The following RELN variants were observed in gnomAD, a reference collection of about 807,000 sequenced individuals.
The protein encoded by RELN is reelin.
A neutral mutation model predicts 427.6 loss-of-function variants in RELN; 108 were observed. That is an observed-to-expected ratio of 0.25 (90% CI 0.22 to 0.30). RELN has a LOEUF of 0.30. RELN is among the 10% of genes least tolerant of loss of function. The probability of loss-of-function intolerance (pLI) is 1.00; values close to 1 mark genes in which losing one functional copy is unlikely to be tolerated. For synonymous variants in RELN, 1,524 were observed against 1,513.4 expected, an observed-to-expected ratio of 1.01 and a Z score of -0.16; for missense variants, 3,715 against 4,302.8, an observed-to-expected ratio of 0.86 and a Z score of 3.82.
At chr7:103,544,620 T>C (rs1830249989) in intron 42 of RELN, among the ~76,000 whole-genome samples, 1 of 152,246 alleles carries the variant, frequency 6.6e-6, no homozygotes, top group African/African-American at 2.4e-5. Context: ...TTGATCAAAG[T>C]GCATATATAA....
At chr7:103,605,874 T>C (rs1023809233) in intron 22 of RELN, among the ~76,000 whole-genome samples, 1 of 152,202 alleles carries the variant, frequency 6.6e-6, no homozygotes, top group Non-Finnish European at 1.5e-5. Flanking sequence ...AGTAGGATAA[T>C]ACCAGGATTC....
Position 103,497,810 on chromosome 7 carries a change from T to C in RELN, c.8950+10A>G. The C allele has an allele frequency of 6.2e-7, 1 of 1,612,896 alleles. No individual in the cohort carries two copies. The highest frequency in any genetic ancestry group is 8.5e-7 in the Non-Finnish European group (1 of 1,178,880). On this transcript the variant is annotated intron_variant, in intron 55 of 64. Transcript: ENST00000428762. ...TGCTCCAAGGGGTGGTTTTCACCCCTGACACATGCCTCCATCGGTAGAGTA... is the reference window on the plus strand; with the variant it reads ...TGCTCCAAGGGGTGGTTTTCACCCCCGACACATGCCTCCATCGGTAGAGTA...
At chr7:103,484,164 G>A (rs1828343467) in intron 61 of RELN, 1 of 360,320 alleles carries the variant, frequency 2.8e-6, no homozygotes. Flanking sequence ...ACAGGTGTAA[G>A]CCACTGTGCC....
At chr7:103,959,063 C>A (rs866466075) in intron 1 of RELN, among the ~76,000 whole-genome samples, 7 of 152,082 alleles carry the variant, frequency 4.6e-5, no homozygotes, top group Admixed American at 1.3e-4. Flanking sequence ...CTGCCTCAGC[C>A]TCCTGAGTAG....
chr7:103,604,694 C>T (rs1443838059), intron 22 of RELN, among the ~76,000 whole-genome samples: 2 of 152,052 alleles, frequency 1.3e-5, no homozygotes, highest in Non-Finnish European at 2.9e-5. Flanking sequence ...CTATTGGATG[C>T]AATTCAATCT....
Position 103,635,599 on chromosome 7 carries a change from T to C in RELN, c.2304-13A>G, listed in dbSNP as rs774202843. 1 of 1,610,680 alleles carries C rather than the reference T, an allele frequency of 6.2e-7. No individual in the cohort carries two copies. Among genetic ancestry groups the C allele is most frequent in the South Asian group, 1.1e-5 (1 of 91,004 alleles). On this transcript the variant is annotated splice_polypyrimidine_tract_variant and intron_variant, in intron 18 of 64. Coordinates refer to ENST00000428762, the MANE Select transcript of RELN (RefSeq NM_005045.4). Reference sequence around the variant, plus strand: ...GAACTGGAGAAACCTAGACAGAAATTGTCTATAATTAGTGTATGCATAAAC... The same window carrying C: ...GAACTGGAGAAACCTAGACAGAAATCGTCTATAATTAGTGTATGCATAAAC...
intron 51 of RELN, among the ~76,000 whole-genome samples, chr7:103,507,715 T>TA (rs1209848824): frequency 6.6e-6 from 1 of 151,430 alleles, no homozygotes. Context: ...AGACACAAAA[T>TA]ACCCTTCAAA....
At chr7:103,751,626 C>G (rs1307559655) in intron 5 of RELN, among the ~76,000 whole-genome samples, 1 of 152,242 alleles carries the variant, frequency 6.6e-6, no homozygotes, top group Non-Finnish European at 1.5e-5. Flanking sequence ...GGGTACAGCT[C>G]TCTCAGATAC....
chr7:103,709,067 A>G (rs1437511725), intron 8 of RELN, among the ~76,000 whole-genome samples: 2 of 152,214 alleles, frequency 1.3e-5, no homozygotes, highest in Non-Finnish European at 2.9e-5. Flanking sequence ...AAGGCAATAA[A>G]GCCCTTCCGA....
At chr7:103,494,091 A>G (rs999256914) in intron 57 of RELN, among the ~76,000 whole-genome samples, 2 of 152,070 alleles carry the variant, frequency 1.3e-5, no homozygotes, top group Non-Finnish European at 2.9e-5. Context: ...ACTCTTAAGG[A>G]ACAGGGCTTA....
At chr7:103,502,010 G>A (rs868404123) in intron 52 of RELN, among the ~76,000 whole-genome samples, 1 of 152,192 alleles carries the variant, frequency 6.6e-6, no homozygotes, top group Admixed American at 6.5e-5. Context: ...TGAGTATGCC[G>A]CCAGTGCCGT....
At chr7:103,529,009 G>A (rs535026240) in intron 46 of RELN, among the ~76,000 whole-genome samples, 13 of 151,784 alleles carry the variant, frequency 8.6e-5, no homozygotes, top group Non-Finnish European at 1.6e-4. Flanking sequence ...CATAGTGTGC[G>A]CCTGTAGTCC....
At chr7:103,902,836 T>C (rs1374473455) in intron 2 of RELN, among the ~76,000 whole-genome samples, 4 of 152,182 alleles carry the variant, frequency 2.6e-5, no homozygotes, top group Non-Finnish European at 5.9e-5. Context: ...CAAATTCATA[T>C]GTTGCATCAA....
chr7:103,651,631 A>G (rs201703594), intron 15 of RELN, 30 bp downstream of exon 15: 4 of 1,602,806 alleles, frequency 2.5e-6, no homozygotes, highest in East Asian at 4.5e-5. Flanking sequence ...GGATTCAAGT[A>G]TTTCAATATC....
intron 20 of RELN, among the ~76,000 whole-genome samples, chr7:103,627,740 T>C (rs1832358871): frequency 6.6e-6 from 1 of 152,220 alleles, no homozygotes; most frequent in South Asian, 2.1e-4. Flanking sequence ...CCATGGGGAT[T>C]GTACAATTAT....
In RELN at chr7:103,566,305, T is replaced by C. The variant is rs1830750187; in HGVS notation, c.4855A>G (p.Asn1619Asp). Residue 1619 changes from asparagine (N) to aspartate (D), a missense_variant, in exon 33 of 65, where the codon AAC becomes GAC. Physicochemically the swap from Asn to Asp is conservative, Grantham distance 23. Transcript: ENST00000428762. ...KFDGSIDLQA[N>D]WYRIQGGQVD... The stretch of plus-strand genomic sequence containing the variant: ...TGACCTCCTTGGATTCGATACCAGT[T>C]GGCTTGCAAATCTATAGAGCCATCA... 6.2e-6 allele frequency: 10 copies of C among 1,614,086 alleles called. No homozygotes were observed. Among genetic ancestry groups the C allele is most frequent in the Non-Finnish European group, 8.5e-6 (10 of 1,179,974 alleles).
intron 28 of RELN, among the ~76,000 whole-genome samples, chr7:103,580,232 G>A (rs1831099411): frequency 6.6e-6 from 1 of 152,194 alleles, no homozygotes; most frequent in South Asian, 2.1e-4. Context: ...ACCGCATTTG[G>A]AGATATCTGA....
intron 46 of RELN, among the ~76,000 whole-genome samples, chr7:103,529,037 G>C (rs1362207671): frequency 6.6e-6 from 1 of 151,854 alleles, no homozygotes; most frequent in East Asian, 2.0e-4. Flanking sequence ...TGGGGAGGCT[G>C]AGGCAGGAGA....
Position 103,917,199 on chromosome 7 carries a change from A to C in RELN, c.227-14T>G. On this transcript the variant is annotated splice_polypyrimidine_tract_variant and intron_variant, in intron 1 of 64. Coordinates refer to ENST00000428762, the MANE Select transcript of RELN (RefSeq NM_005045.4). ...TTGAAATTGTCACTGAAATGTAAGA[A>C]AGAAAAAAAAAACTCTCAATACAGT... 1 of 1,590,140 alleles carries C rather than the reference A, an allele frequency of 6.3e-7. No individual in the cohort carries two copies. Among genetic ancestry groups the C allele is most frequent in the Non-Finnish European group, 8.6e-7 (1 of 1,158,468 alleles).
Sources: gnomAD v4.1 joint callset for allele counts (sites outside exome capture counted in the v4.1 genomes callset) on GRCh38, gnomAD v4.1.1 for gene constraint, MANE v1.5 for transcripts, NCBI Gene and HGNC (gene_info 2026-07-23, HGNC 2026-07-21) for gene names.